ZNF695: variants seen among roughly 807,000 people sequenced by gnomAD.
The protein encoded by ZNF695 is zinc finger protein 695, also known as zinc finger protein SBZF3.
A neutral mutation model predicts 11.2 loss-of-function variants in ZNF695; 11 were observed. The observed-to-expected ratio is 0.98, with a 90% CI of 0.62 to 1.62. The LOEUF is 1.62. ZNF695 is among the 40% of genes most tolerant of loss of function. The pLI, the probability that ZNF695 is intolerant of heterozygous loss-of-function variation, is 0.00. For missense variants in ZNF695, 559 were observed against 590.5 expected (o/e 0.95, Z 0.55); for synonymous variants, 190 against 201.4 (o/e 0.94, Z 0.48).
At position 247,008,034 on chromosome 1, in the gene ZNF695, C is replaced by G; in HGVS notation, c.-126G>C. ...GAGGCAGCAGACGGGAACCCAGCAC[C>G]CCGCCGGCCGCAAGGAGACAAAGGC... On this transcript the variant is annotated 5_prime_UTR_variant, in exon 1 of 4. Transcript: ENST00000339986. 3 of 1,120,158 alleles carry G rather than the reference C, an allele frequency of 2.7e-6. No individual in the cohort carries two copies. Among genetic ancestry groups the G allele is most frequent in the South Asian group, 2.9e-5 (1 of 34,760 alleles). 69.4% of individuals were successfully genotyped at this position (1,120,158 alleles called of 1,614,324 possible).
chr1:246,961,314 G>A (rs559898070), intron 5 of ZNF695, among the ~76,000 whole-genome samples: 3 of 152,168 alleles, frequency 2.0e-5, no homozygotes. Context: ...TTGTTCATGT[G>A]ACAATCTTAT....
Position 247,007,926 on chromosome 1 carries a change from T to C in ZNF695, c.-18A>G, listed in dbSNP as rs760921127. 4 of 1,521,820 alleles carry C rather than the reference T, an allele frequency of 2.6e-6. No individual in the cohort carries two copies. The highest frequency in any genetic ancestry group is 1.3e-5 in the South Asian group (1 of 79,246). 94.3% of individuals were successfully genotyped at this position (1,521,820 alleles called of 1,614,324 possible). On this transcript the variant is annotated 5_prime_UTR_variant, in exon 1 of 4. Coordinates refer to ENST00000339986, the MANE Select transcript of ZNF695 (RefSeq NM_020394.5). ...CTCACCATTTCCCAGCTTTTGGGGG[T>C]CCCAGCGTCCTCCCTATAAATCTCG...
intron 4 of ZNF695, among the ~76,000 whole-genome samples, chr1:246,976,619 C>A (rs182118901): frequency 8.4e-4 from 127 of 151,592 alleles, no homozygotes; most frequent in Middle Eastern, 3.4e-3. Flanking sequence ...ACGGTGAAAC[C>A]CCGTCTCTAC....
intron 3 of ZNF695, chr1:246,995,946 A>G (rs1043532901): frequency 2.4e-6 from 1 of 423,894 alleles, no homozygotes; most frequent in African/African-American, 2.1e-5. Flanking sequence ...TGGTCACATG[A>G]AGAGTTCTTT....
downstream of ZNF695, chr1:246,945,644 T>A (rs2102994687): frequency 2.8e-6 from 2 of 718,932 alleles, no homozygotes; most frequent in Non-Finnish European, 2.2e-6. Flanking sequence ...GGAAGAACAA[T>A]CTTCCTTTCA....
chr1:246,965,402 G>A (rs1011601098), intron 5 of ZNF695, among the ~76,000 whole-genome samples: 2 of 150,510 alleles, frequency 1.3e-5, no homozygotes, highest in African/African-American at 4.9e-5. Flanking sequence ...GAGCTAGCAC[G>A]CTCGGCCCAT....
At chr1:246,983,964 T>C (rs1668775629), downstream of ZNF695, among the ~76,000 whole-genome samples, 2 of 151,868 alleles carry the variant, frequency 1.3e-5, no homozygotes, top group Admixed American at 6.6e-5. Flanking sequence ...AAGACAAGCC[T>C]GGGAACATGG....
chr1:246,990,168 G>C (rs973726160), intron 3 of ZNF695, among the ~76,000 whole-genome samples: 3 of 146,686 alleles, frequency 2.0e-5, no homozygotes, highest in African/African-American at 7.6e-5. Flanking sequence ...AGAGGAAAAG[G>C]AAGGAAAGAA....
intron 1 of ZNF695, among the ~76,000 whole-genome samples, chr1:247,006,779 G>A (rs1280849858): frequency 2.0e-5 from 3 of 152,224 alleles, no homozygotes; most frequent in African/African-American, 7.2e-5. Flanking sequence ...TTGAGGTCCT[G>A]CTTGCCATAC....
At chr1:246,946,112 T>C (rs1667728499) in intron 5 of ZNF695, among the ~76,000 whole-genome samples, 1 of 152,180 alleles carries the variant, frequency 6.6e-6, no homozygotes, top group South Asian at 2.1e-4. Flanking sequence ...CCCAGAAGGA[T>C]GTGCAATGAA....
chr1:247,002,631 C>T (rs1669419674), intron 1 of ZNF695, among the ~76,000 whole-genome samples: 2 of 152,086 alleles, frequency 1.3e-5, no homozygotes. Flanking sequence ...ACTAAAAATA[C>T]AAAAATTAGC....
At chr1:246,958,490 A>G (rs1373004224) in intron 5 of ZNF695, among the ~76,000 whole-genome samples, 2 of 152,180 alleles carry the variant, frequency 1.3e-5, no homozygotes, top group Non-Finnish European at 2.9e-5. Flanking sequence ...CCTTACCCTT[A>G]GAACTCAGCC....
chr1:247,008,039 C>A lies in ZNF695; in HGVS notation c.-131G>T, dbSNP rs1034354711. 9.3e-7 allele frequency: 1 copy of A among 1,071,256 alleles called. No individual in the cohort carries two copies. The highest frequency in any genetic ancestry group is 1.6e-5 in the African/African-American group (1 of 61,500). 66.4% of individuals were successfully genotyped at this position (1,071,256 alleles called of 1,614,324 possible). On this transcript the variant is annotated 5_prime_UTR_variant, in exon 1 of 4. Coordinates refer to ENST00000339986, the MANE Select transcript of ZNF695 (RefSeq NM_020394.5). Reference sequence around the variant, plus strand: ...AGCAGACGGGAACCCAGCACCCCGCCGGCCGCAAGGAGACAAAGGCCCCGC... The same window carrying A: ...AGCAGACGGGAACCCAGCACCCCGCAGGCCGCAAGGAGACAAAGGCCCCGC...
intron 1 of ZNF695, among the ~76,000 whole-genome samples, chr1:247,007,229 G>C (rs544834442): frequency 1.3e-5 from 2 of 152,220 alleles, no homozygotes; most frequent in Non-Finnish European, 2.9e-5. Flanking sequence ...AAGGAGACCG[G>C]GCGCGGTGGC....
chr1:247,007,896 G>GCA lies in ZNF695; in HGVS notation c.3+8_3+9dup. On this transcript the variant is annotated intron_variant, in intron 1 of 3. Transcript: ENST00000339986. ...CTCCCTTCTCGGGACACCCTGCTCC[G>GCA]CACACTCACCATTTCCCAGCTTTTG... is the stretch of plus-strand genomic sequence containing the variant. 1 of 1,539,946 alleles carries GCA rather than the reference G, an allele frequency of 6.5e-7. No individual in the cohort carries two copies. The highest frequency in any genetic ancestry group is 8.8e-7 in the Non-Finnish European group (1 of 1,137,536).
chr1:246,977,259 T>C (rs962921480), intron 4 of ZNF695, among the ~76,000 whole-genome samples: 4 of 152,198 alleles, frequency 2.6e-5, no homozygotes, highest in African/African-American at 9.6e-5. Flanking sequence ...AAAGGATACA[T>C]TTTTTGTTGT....
At chr1:247,001,981 C>CA in intron 1 of ZNF695, among the ~76,000 whole-genome samples, 1 of 152,144 alleles carries the variant, frequency 6.6e-6, no homozygotes, top group South Asian at 2.1e-4. Flanking sequence ...AACACCTCAA[C>CA]AAACGGACGT....
intron 5 of ZNF695, among the ~76,000 whole-genome samples, chr1:246,953,419 TA>T (rs951626441): frequency 4.6e-5 from 7 of 151,670 alleles, no homozygotes; most frequent in Non-Finnish European, 7.4e-5. Flanking sequence ...CCATCCTGGC[TA>T]ACATGGTGAT....
intron 3 of ZNF695, among the ~76,000 whole-genome samples, chr1:246,994,633 A>C (rs1017528340): frequency 9.9e-5 from 15 of 152,040 alleles, no homozygotes; most frequent in Admixed American, 2.0e-4. Context: ...GTCAGGAGAT[A>C]GAGACCATCC....
Sources: allele counts gnomAD v4.1 joint callset (sites outside exome capture counted in the v4.1 genomes callset), GRCh38; gene constraint gnomAD v4.1.1; transcripts MANE v1.5; gene names NCBI Gene and HGNC (gene_info 2026-07-23, HGNC 2026-07-21).